The following PES1 variants were observed in gnomAD, a reference collection of about 807,000 sequenced individuals.
The protein encoded by PES1 is pescadillo ribosomal biogenesis factor 1, also known as pescadillo homolog.
In PES1, 31 loss-of-function variants were observed where a neutral mutation model predicts 77.1. That is an observed-to-expected ratio of 0.40 (90% CI 0.30 to 0.54). PES1 has a LOEUF of 0.54. PES1 is among the 20% of genes least tolerant of loss of function. PES1 has a pLI of 0.45. For synonymous variants in PES1, 282 were observed against 303.0 expected, an observed-to-expected ratio of 0.93 and a Z score of 0.72; for missense variants, 658 against 771.7, an observed-to-expected ratio of 0.85 and a Z score of 1.75.
chr22:30,587,565 C>T (rs1231236241), intron 3 of PES1, among the ~76,000 whole-genome samples, 170 bp from the exon 4 acceptor site: 1 of 152,216 alleles, frequency 6.6e-6, no homozygotes, highest in Non-Finnish European at 1.5e-5. Flanking sequence ...AAAGAGCCAA[C>T]TCCAAGGAGC....
chr22:30,597,966 C>T (rs1402819215), intron 2 of PES1, among the ~76,000 whole-genome samples: 2 of 149,860 alleles, frequency 1.3e-5, no homozygotes, highest in Non-Finnish European at 3.0e-5. Context: ...TCACTGCAAG[C>T]TCCGCTTCCC....
intron 3 of PES1, 137 bp downstream of exon 3, chr22:30,587,884 G>A: frequency 1.2e-6 from 1 of 826,700 alleles, no homozygotes; most frequent in Non-Finnish European, 1.9e-6. Flanking sequence ...TTCCCTCCAA[G>A]TACTTCTGTT....
chr22:30,589,614 T>C (rs768749943), intron 1 of PES1, among the ~76,000 whole-genome samples: 2 of 152,200 alleles, frequency 1.3e-5, no homozygotes, highest in Non-Finnish European at 2.9e-5. Context: ...CCCTGTGATG[T>C]AGGTGCTGTC....
chr22:30,577,708 CT>C (rs2086923375), intron 14 of PES1, among the ~76,000 whole-genome samples: 1 of 151,998 alleles, frequency 6.6e-6, no homozygotes, highest in African/African-American at 2.4e-5. Flanking sequence ...GTTGCCAACG[CT>C]GGTCTTGAAC....
intron 10 of PES1, 62 bp from the exon 11 acceptor site, chr22:30,580,240 G>A: frequency 6.4e-7 from 1 of 1,555,032 alleles, no homozygotes; most frequent in East Asian, 2.2e-5. Context: ...CTGAGACTCA[G>A]CTCCCTGGGA....
intron 3 of PES1, among the ~76,000 whole-genome samples, 153 bp downstream of exon 3, chr22:30,587,868 G>A (rs1055433761): frequency 3.3e-5 from 5 of 152,070 alleles, no homozygotes; most frequent in African/African-American, 9.7e-5. Context: ...CAAACTAACC[G>A]ACCTCTTCCC....
At chr22:30,596,339 A>AGTGT (rs112899417), upstream of PES1, among the ~76,000 whole-genome samples, 29 of 149,766 alleles carry the variant, frequency 1.9e-4, no homozygotes, top group African/African-American at 5.9e-4. Flanking sequence ...TGTTTTTTCA[A>AGTGT]GTGTGTGTGT....
intron 2 of PES1, among the ~76,000 whole-genome samples, chr22:30,605,018 G>A (rs533132237): frequency 2.7e-4 from 41 of 152,120 alleles, no homozygotes; most frequent in Non-Finnish European, 5.1e-4. Context: ...TTTTAGGACA[G>A]GGTCTCCTTC....
chr22:30,583,072 AT>A (rs963704749), intron 6 of PES1, among the ~76,000 whole-genome samples: 2 of 152,198 alleles, frequency 1.3e-5, no homozygotes, highest in Non-Finnish European at 2.9e-5. Context: ...ACAGGGCCCT[AT>A]TCACCACCAG....
intron 4 of PES1, among the ~76,000 whole-genome samples, chr22:30,585,026 G>C (rs1021808535): frequency 2.0e-5 from 3 of 152,312 alleles, no homozygotes; most frequent in Non-Finnish European, 2.9e-5. Context: ...GGTAGACGGA[G>C]TCAGGGGCTC....
chr22:30,576,804 G>C lies in PES1; in HGVS notation c.*242C>G, dbSNP rs1314944182. On this transcript the variant is annotated 3_prime_UTR_variant, in exon 15 of 15. Transcript: ENST00000354694. ...TCTGCACCTCATGTCACTGGCTCCT[G>C]GGAGCAGAGAATCAGGCTGGGCACA... The C allele has an allele frequency of 1.8e-6, 1 of 560,960 alleles. No individual in the cohort carries two copies. Among genetic ancestry groups the C allele is most frequent in the African/African-American group, 1.9e-5 (1 of 52,870 alleles). The allele number at this position is 560,960 out of a possible 1,614,324, so 34.7% of individuals were successfully genotyped here. A position where few individuals can be genotyped will look rare whatever the true frequency, so the allele number is the denominator to read the frequency against.
At chr22:30,582,633 T>C (rs1434993170) in intron 6 of PES1, among the ~76,000 whole-genome samples, 2 of 152,080 alleles carry the variant, frequency 1.3e-5, no homozygotes, top group African/African-American at 2.4e-5. Context: ...TGAAAATCAG[T>C]AGTGATCACC....
chr22:30,594,645 C>G (rs1183816229), upstream of PES1, among the ~76,000 whole-genome samples: 1 of 150,442 alleles, frequency 6.6e-6, no homozygotes, highest in Non-Finnish European at 1.5e-5. Context: ...GATACCTTGT[C>G]TCTACTAAAC....
At chr22:30,604,294 G>T (rs1034043347) in intron 2 of PES1, among the ~76,000 whole-genome samples, 2 of 152,158 alleles carry the variant, frequency 1.3e-5, no homozygotes, top group Non-Finnish European at 2.9e-5. Flanking sequence ...AGTAAAAAAA[G>T]TAGTAGTCAC....
chr22:30,596,891 C>A (rs963286843), upstream of PES1, among the ~76,000 whole-genome samples: 1 of 152,174 alleles, frequency 6.6e-6, no homozygotes, highest in Non-Finnish European at 1.5e-5. Flanking sequence ...CAGGGCTGTG[C>A]GCGGCGCTTG....
chr22:30,579,796 G>A lies in PES1; in HGVS notation c.1309C>T (p.Pro437Ser). The change falls in exon 12 of 15, where the codon CCT (proline) becomes TCT (serine). Residue 437 changes from proline to serine, a missense_variant. Physicochemically the swap from Pro to Ser is moderately conservative, Grantham distance 74. Transcript: ENST00000354694. The part of the protein sequence containing the change: ...VTEKEGDYVP[P>S]EKLKLLALQR... Reference sequence around the variant, plus strand: ...AGAGCCAGCAGCTTCAGCTTCTCAGGTGGAACGTAATCTCCTTCCTTCTCG... The same window carrying A: ...AGAGCCAGCAGCTTCAGCTTCTCAGATGGAACGTAATCTCCTTCCTTCTCG... The A allele has an allele frequency of 6.2e-7, 1 of 1,614,024 alleles. No individual in the cohort carries two copies. The highest frequency in any genetic ancestry group is 8.5e-7 in the Non-Finnish European group (1 of 1,180,032).
intron 2 of PES1, among the ~76,000 whole-genome samples, chr22:30,588,817 C>T (rs1042587485): frequency 1.3e-5 from 2 of 151,240 alleles, no homozygotes; most frequent in Admixed American, 6.6e-5. Context: ...GCCAGGTGAG[C>T]CACAAAGGCC....
At chr22:30,580,971 C>A in intron 9 of PES1, 41 bp downstream of exon 9, 3 of 1,550,266 alleles carry the variant, frequency 1.9e-6, no homozygotes, top group Non-Finnish European at 2.7e-6. Context: ...CCCCACACGA[C>A]CCCTCCCAGC....
intron 1 of PES1, 136 bp downstream of exon 1, chr22:30,591,674 T>G (rs2087178412): frequency 7.4e-6 from 7 of 950,314 alleles, no homozygotes. Context: ...TCGGACCCCT[T>G]CTCGCAGCTG....
Sources: allele counts gnomAD v4.1 joint callset (sites outside exome capture counted in the v4.1 genomes callset), GRCh38; gene constraint gnomAD v4.1.1; transcripts MANE v1.5; gene names NCBI Gene and HGNC (gene_info 2026-07-23, HGNC 2026-07-21).